NPC1: variants seen among roughly 807,000 people sequenced by gnomAD.
The protein encoded by NPC1 is Niemann-Pick C1 protein.
A neutral mutation model predicts 140.4 loss-of-function variants in NPC1; 85 were observed. That is an observed-to-expected ratio of 0.61 (90% CI 0.51 to 0.72). The LOEUF is 0.72. Among genes scored for constraint, NPC1 ranks in the 30% least tolerant of loss-of-function variants. NPC1 has a pLI of 0.00. For synonymous variants in NPC1, 656 were observed against 624.8 expected (o/e 1.05, Z -0.74); for missense variants, 1,504 against 1,623.8 (o/e 0.93, Z 1.27).
chr18:23,528,623 C>T (rs1598912495), downstream of NPC1: 1 of 153,642 alleles, frequency 6.5e-6, no homozygotes, highest in East Asian at 1.9e-4. Flanking sequence ...GTGTCCATTC[C>T]TACGCTGCCA....
At chr18:23,548,515 G>A (rs2058821557) in intron 10 of NPC1, among the ~76,000 whole-genome samples, 1 of 151,894 alleles carries the variant, frequency 6.6e-6, no homozygotes, top group Admixed American at 6.6e-5. Flanking sequence ...ACACACACAA[G>A]CAAACACACA....
rs2058509540 is a variant in NPC1 at position 23,531,579 on chromosome 18, C to CAT, written c.*621_*622dup. ...CCTACGAGATGCTTTCTTTGTCCCT[C>CAT]ATTTCATGCCACATCTAACTGGCAA... On this transcript the variant is annotated 3_prime_UTR_variant, in exon 25 of 25. Transcript: ENST00000269228. 6.3e-7 allele frequency: 1 copy of CAT among 1,595,490 alleles called. No individual in the cohort carries two copies. Among genetic ancestry groups the CAT allele is most frequent in the East Asian group, 2.2e-5 (1 of 44,694 alleles).
chr18:23,564,178 T>G (rs917796554), intron 4 of NPC1, among the ~76,000 whole-genome samples: 2 of 151,742 alleles, frequency 1.3e-5, no homozygotes, highest in South Asian at 4.2e-4. Context: ...GAGACAGGGT[T>G]TCACCATGTT....
chr18:23,557,992 G>A (rs2058979777), intron 6 of NPC1, among the ~76,000 whole-genome samples: 2 of 152,010 alleles, frequency 1.3e-5, no homozygotes, highest in South Asian at 2.1e-4. Context: ...TGACAGTGTT[G>A]GATACAACCC....
At chr18:23,578,618 C>A (rs2059320933) in intron 1 of NPC1, among the ~76,000 whole-genome samples, 1 of 152,222 alleles carries the variant, frequency 6.6e-6, no homozygotes, top group South Asian at 2.1e-4. Context: ...AACCTCATCT[C>A]TCTCTCAGTC....
At chr18:23,540,095 G>T in intron 17 of NPC1, 94 bp from the exon 18 acceptor site, 1 of 1,109,792 alleles carries the variant, frequency 9.0e-7, no homozygotes, top group Non-Finnish European at 1.3e-6. Context: ...GTGCCAGGAG[G>T]TTCCTGGCTG....
At chr18:23,570,718 T>C (rs2059189206) in intron 3 of NPC1, among the ~76,000 whole-genome samples, 1 of 152,244 alleles carries the variant, frequency 6.6e-6, no homozygotes, top group South Asian at 2.1e-4. Context: ...ACTACCAGCT[T>C]GCTCTTTTGC....
chr18:23,543,320 C>T (rs182707456), intron 14 of NPC1, 135 bp downstream of exon 14: 3 of 597,070 alleles, frequency 5.0e-6, no homozygotes, highest in South Asian at 3.7e-5. Flanking sequence ...CAGAGTGAGA[C>T]TCCGTCTCAG....
At chr18:23,535,751 CT>C in intron 21 of NPC1, 51 bp from the exon 22 acceptor site, 1 of 1,209,910 alleles carries the variant, frequency 8.3e-7, no homozygotes. Flanking sequence ...CTCCCGAACA[CT>C]GCGTGTTCAT....
intron 1 of NPC1, chr18:23,524,254 G>A (rs759000250): frequency 1.3e-4 from 205 of 1,563,130 alleles, no homozygotes; most frequent in Non-Finnish European, 1.7e-4. Context: ...GTCCTCCTCC[G>A]GGCAGCTGTG....
At chr18:23,580,970 G>C (rs1021992513) in intron 1 of NPC1, among the ~76,000 whole-genome samples, 3 of 152,238 alleles carry the variant, frequency 2.0e-5, no homozygotes, top group Non-Finnish European at 4.4e-5. Context: ...GATAATTTGT[G>C]TGTGCACCAG....
At chr18:23,528,971 C>T (rs112132000), downstream of NPC1, 1 of 670,718 alleles carries the variant, frequency 1.5e-6, no homozygotes, top group East Asian at 3.6e-5. Context: ...CCTCTGCCTC[C>T]TGGGTTCAAG....
chr18:23,545,274 G>A (rs886300579), intron 11 of NPC1, 125 bp from the exon 12 acceptor site: 15 of 719,270 alleles, frequency 2.1e-5, no homozygotes, highest in Admixed American at 8.7e-5. Context: ...ACTGATTCTC[G>A]CTCTGTCGCC....
At chr18:23,561,629 A>AT (rs1321221992) in intron 4 of NPC1, 102 bp from the exon 5 acceptor site, 4 of 1,126,464 alleles carry the variant, frequency 3.6e-6, no homozygotes, top group Non-Finnish European at 5.4e-6. Flanking sequence ...CGAACTCCAT[A>AT]TGCACCATGC....
At chr18:23,567,224 C>T (rs757628469) in intron 4 of NPC1, among the ~76,000 whole-genome samples, 5 of 152,134 alleles carry the variant, frequency 3.3e-5, no homozygotes, top group Non-Finnish European at 5.9e-5. Context: ...TGTAAGAAAC[C>T]GCTAAATTAT....
At chr18:23,571,833 G>A (rs2059208374) in intron 3 of NPC1, among the ~76,000 whole-genome samples, 1 of 151,834 alleles carries the variant, frequency 6.6e-6, no homozygotes, top group African/African-American at 2.4e-5. Context: ...GCAGCAGAGT[G>A]AGACTCTGTC....
At chr18:23,580,880 G>A (rs1328745791) in intron 1 of NPC1, among the ~76,000 whole-genome samples, 3 of 152,324 alleles carry the variant, frequency 2.0e-5, no homozygotes, top group Non-Finnish European at 2.9e-5. Flanking sequence ...GAGGCTGCCG[G>A]GCTGGTCTGA....
At chr18:23,527,407 AT>A (rs1311117522), downstream of NPC1, among the ~76,000 whole-genome samples, 4 of 151,424 alleles carry the variant, frequency 2.6e-5, no homozygotes, top group Admixed American at 6.6e-5. Flanking sequence ...CCAAAAAAAA[AT>A]AATAATAATA....
intron 7 of NPC1, 127 bp from the exon 8 acceptor site, chr18:23,556,740 A>C (rs1407283319): frequency 7.1e-7 from 1 of 1,412,476 alleles, no homozygotes; most frequent in Non-Finnish European, 9.8e-7. Flanking sequence ...CACATATGAG[A>C]CCCCTGCCCT....
Sources: allele counts gnomAD v4.1 joint callset (sites outside exome capture counted in the v4.1 genomes callset), GRCh38; gene constraint gnomAD v4.1.1; transcripts MANE v1.5; gene names NCBI Gene and HGNC (gene_info 2026-07-23, HGNC 2026-07-21).